The following HEXB variants were observed in gnomAD, a reference collection of about 807,000 sequenced individuals.
HEXB encodes the protein beta-hexosaminidase subunit beta.
In HEXB, 51 loss-of-function variants were observed where a neutral mutation model predicts 71.2. The ratio of observed to expected loss-of-function variants is 0.72; its 90% CI spans 0.57 to 0.90. The LOEUF is 0.90. Ranked by LOEUF, HEXB falls within the 40% of genes least tolerant of loss-of-function variation. The probability of loss-of-function intolerance (pLI) is 0.00; values close to 1 mark genes in which losing one functional copy is unlikely to be tolerated. For synonymous variants in HEXB, 266 were observed against 249.3 expected (o/e 1.07, Z -0.63); for missense variants, 617 against 677.0 (o/e 0.91, Z 0.98).
chr5:74,693,607 A>AGT, intron 2 of HEXB, 32 bp from the exon 3 acceptor site: 3 of 1,474,106 alleles, frequency 2.0e-6, no homozygotes, highest in Non-Finnish European at 1.9e-6. Flanking sequence ...GATTAACAAA[A>AGT]GTGTGTGTGT....
chr5:74,715,794 A>G, intron 8 of HEXB, 104 bp downstream of exon 8: 1 of 804,974 alleles, frequency 1.2e-6, no homozygotes, highest in South Asian at 1.5e-5. Context: ...AGGCAGGCAG[A>G]TCACCTGAGG....
chr5:74,666,387 T>C (rs1269603604), intron 1 of HEXB, among the ~76,000 whole-genome samples: 3 of 152,236 alleles, frequency 2.0e-5, no homozygotes, highest in Non-Finnish European at 2.9e-5. Flanking sequence ...ATTTTCATAA[T>C]AGTAGGTCAA....
At chr5:74,703,543 G>A (rs1749310599) in intron 5 of HEXB, among the ~76,000 whole-genome samples, 1 of 152,160 alleles carries the variant, frequency 6.6e-6, no homozygotes, top group South Asian at 2.1e-4. Context: ...GAGAGAGCTA[G>A]AAAACGTGTG....
chr5:74,688,042 T>G (rs113708965), intron 1 of HEXB, among the ~76,000 whole-genome samples: 245 of 152,312 alleles, frequency 1.6e-3, no homozygotes, highest in African/African-American at 5.1e-3. Flanking sequence ...TTCTGATTTT[T>G]GGATACCAAA....
intron 1 of HEXB, among the ~76,000 whole-genome samples, chr5:74,651,205 A>G (rs1307775309): frequency 1.3e-5 from 2 of 152,330 alleles, no homozygotes; most frequent in East Asian, 3.9e-4. Flanking sequence ...GAGAGAATAA[A>G]TACTTTGCCC....
rs936942214 is a variant in HEXB, at chr5:74,647,268, C to T, written c.-377+6710C>T. Among the ~76,000 whole-genome samples the T allele has an allele frequency of 1.6e-4, 24 of 152,240 alleles. 1 individual carries two copies. Among genetic ancestry groups the T allele is most frequent in the Admixed American group, 1.6e-3 (24 of 15,280 alleles). Reference sequence around the variant, plus strand: ...AATGAAAATGCAGGTTTTGTTTGGCCTCTATGCTCTGCTTCTAGGGCACAA... The same window carrying T: ...AATGAAAATGCAGGTTTTGTTTGGCTTCTATGCTCTGCTTCTAGGGCACAA... On this transcript the variant is annotated intron_variant, in intron 1 of 13. Transcript: ENST00000511181.
At chr5:74,672,108 G>C (rs745306094) in intron 1 of HEXB, among the ~76,000 whole-genome samples, 2 of 152,136 alleles carry the variant, frequency 1.3e-5, no homozygotes, top group Admixed American at 6.6e-5. Flanking sequence ...CTTGTTCTCA[G>C]GCAATAGCCC....
In HEXB at chr5:74,664,448, A is replaced by AAAAAAC. The variant is rs56375178; in HGVS notation, c.-377+23892_-377+23897dup. Among the ~76,000 whole-genome samples the AAAAAAC allele has an allele frequency of 7.5e-3, 945 of 125,298 alleles. 4 individuals carry two copies. Among genetic ancestry groups the AAAAAAC allele is most frequent in the Non-Finnish European group, 9.6e-3 (573 of 59,480 alleles). 82.2% of individuals were successfully genotyped at this position (125,298 alleles called of 152,430 possible). On this transcript the variant is annotated intron_variant, in intron 1 of 13. Transcript: ENST00000511181. ...CTATCTCTAAAAAAAAAAAAAAAAA[A>AAAAAAC]AAAAACAGAGAGAGAGAGAATACTG... is the stretch of plus-strand genomic sequence containing the variant.
chr5:74,683,397 A>G (rs1338091593), upstream of HEXB, among the ~76,000 whole-genome samples: 3 of 151,672 alleles, frequency 2.0e-5, no homozygotes, highest in African/African-American at 7.3e-5. Flanking sequence ...TCTGCCTCCC[A>G]GGTTCAAGTG....
At chr5:74,717,100 TCTC>T in intron 9 of HEXB, among the ~76,000 whole-genome samples, 1 of 152,100 alleles carries the variant, frequency 6.6e-6, no homozygotes, top group African/African-American at 2.4e-5. Flanking sequence ...TGAGGGAGAA[TCTC>T]CTGGGAGATG....
chr5:74,656,866 C>A (rs1273478698), intron 1 of HEXB, among the ~76,000 whole-genome samples: 1 of 152,224 alleles, frequency 6.6e-6, no homozygotes, highest in Non-Finnish European at 1.5e-5. Flanking sequence ...CCCGCCTCAG[C>A]CTTCCAAAAT....
chr5:74,646,644 T>A (rs1296747697), intron 1 of HEXB, among the ~76,000 whole-genome samples: 1 of 151,558 alleles, frequency 6.6e-6, no homozygotes. Flanking sequence ...CTCGGCTCAC[T>A]GCAACCTCTG....
chr5:74,705,166 T>G, intron 5 of HEXB, 53 bp from the exon 6 acceptor site: 4 of 983,216 alleles, frequency 4.1e-6, no homozygotes, highest in Non-Finnish European at 6.6e-6. Flanking sequence ...ATAGGTAATA[T>G]GGATTGTATA....
intron 5 of HEXB, among the ~76,000 whole-genome samples, chr5:74,702,147 C>T (rs959212384): frequency 3.8e-5 from 5 of 130,530 alleles, no homozygotes; most frequent in South Asian, 2.6e-4. Flanking sequence ...GGCGGGATCT[C>T]GGCTCACTGC....
upstream of HEXB, chr5:74,685,156 C>G: frequency 7.9e-7 from 1 of 1,260,900 alleles, no homozygotes; most frequent in Non-Finnish European, 1.0e-6. Flanking sequence ...AGTCATCTGA[C>G]TCGGTGACTC....
chr5:74,693,899 G>A (rs1304033625), intron 3 of HEXB, among the ~76,000 whole-genome samples, 195 bp downstream of exon 3: 2 of 152,216 alleles, frequency 1.3e-5, no homozygotes, highest in Admixed American at 1.3e-4. Context: ...GCTCACGCCT[G>A]TAATCCCAGC....
At chr5:74,667,397 TGAG>T (rs1480628252) in intron 1 of HEXB, among the ~76,000 whole-genome samples, 1 of 151,832 alleles carries the variant, frequency 6.6e-6, no homozygotes, top group Non-Finnish European at 1.5e-5. Flanking sequence ...CCAGCCTGGA[TGAG>T]AAGAGCAAAA....
At chr5:74,693,347 A>T (rs141139075) in intron 2 of HEXB, 813 of 475,340 alleles carry the variant, frequency 1.7e-3, no homozygotes, top group Non-Finnish European at 1.9e-3. Flanking sequence ...TCCCGTTCTG[A>T]GTGACTCAAG....
upstream of HEXB, among the ~76,000 whole-genome samples, chr5:74,683,533 G>A (rs184106574): frequency 9.9e-5 from 15 of 151,780 alleles, no homozygotes; most frequent in East Asian, 2.9e-3. Context: ...CGAACTCCTG[G>A]CCTTAAGTGA....
Sources: allele counts gnomAD v4.1 joint callset (sites outside exome capture counted in the v4.1 genomes callset), GRCh38; gene constraint gnomAD v4.1.1; transcripts MANE v1.5; gene names NCBI Gene and HGNC (gene_info 2026-07-23, HGNC 2026-07-21).